MTF2: variants seen among roughly 807,000 people sequenced by gnomAD.
MTF2 encodes metal response element binding transcription factor 2.
Under a neutral mutation model 79.5 loss-of-function variants are expected in MTF2, and 11 were observed. The ratio of observed to expected loss-of-function variants is 0.14; its 90% CI spans 0.09 to 0.23. The LOEUF is 0.23. MTF2 is among the 10% of genes least tolerant of loss of function. The probability of loss-of-function intolerance (pLI) is 1.00; values close to 1 mark genes in which losing one functional copy is unlikely to be tolerated. For synonymous variants in MTF2, 208 were observed against 232.8 expected, an observed-to-expected ratio of 0.89 and a Z score of 0.97; for missense variants, 486 against 711.2, an observed-to-expected ratio of 0.68 and a Z score of 3.60.
intron 11 of MTF2, 23 bp downstream of exon 11, chr1:93,129,471 GT>G: frequency 7.0e-7 from 1 of 1,433,398 alleles, no homozygotes. Flanking sequence ...CTGTGGCTTA[GT>G]TTTTCTCTTT....
intron 9 of MTF2, among the ~76,000 whole-genome samples, chr1:93,123,207 T>C (rs1477807539): frequency 6.8e-6 from 1 of 147,498 alleles, no homozygotes; most frequent in African/African-American, 2.5e-5. Context: ...ACATCAGCTC[T>C]TTCTTTTTTT....
rs965031935 is a variant in MTF2 at position 93,100,894 on chromosome 1, A to G, written c.6-9336A>G. Among the ~76,000 whole-genome samples, 3 of 152,166 alleles carry G rather than the reference A, an allele frequency of 2.0e-5. No homozygotes were observed. The East Asian group carries it at 5.8e-4, about 29-fold the overall frequency. ...GGCCCTGTTTGGCCTCATGAATTTGACTATATCTGTATGAAAGTTTTCACC... is the reference window on the plus strand; with the variant it reads ...GGCCCTGTTTGGCCTCATGAATTTGGCTATATCTGTATGAAAGTTTTCACC... On this transcript the variant is annotated intron_variant, in intron 1 of 14. Transcript: ENST00000370298.
chr1:93,129,227 T>C (rs1279201102), intron 10 of MTF2, 51 bp from the exon 11 acceptor site: 1 of 1,339,060 alleles, frequency 7.5e-7, no homozygotes, highest in South Asian at 1.5e-5. Flanking sequence ...GGGTCTACTA[T>C]GTATATGTGT....
chr1:93,120,787 AT>A, intron 9 of MTF2, 115 bp downstream of exon 9: 1 of 1,488,744 alleles, frequency 6.7e-7, no homozygotes, highest in Admixed American at 2.7e-5. Context: ...ATAGAATTTT[AT>A]TTTTAGTTCT....
At chr1:93,136,245 T>C (rs1384425338) in intron 14 of MTF2, among the ~76,000 whole-genome samples, 1 of 152,218 alleles carries the variant, frequency 6.6e-6, no homozygotes, top group Non-Finnish European at 1.5e-5. Flanking sequence ...TCTATTCTAG[T>C]TCCACTCTTT....
At chr1:93,110,773 G>A (rs972569535) in intron 3 of MTF2, 147 bp downstream of exon 3, 14 of 670,054 alleles carry the variant, frequency 2.1e-5, no homozygotes, top group Non-Finnish European at 3.4e-5. Context: ...CAGCATAGTC[G>A]TTATTATAGA....
At chr1:93,112,958 C>T (rs995512330) in intron 3 of MTF2, among the ~76,000 whole-genome samples, 7 of 152,186 alleles carry the variant, frequency 4.6e-5, no homozygotes, top group Non-Finnish European at 1.0e-4. Context: ...CCTCCCCTCG[C>T]GGGGCTGTTG....
At position 93,137,047 on chromosome 1, in the gene MTF2, G is replaced by A. The variant is rs1325491952; in HGVS notation, c.*20G>A. 6.3e-7 allele frequency: 1 copy of A among 1,590,258 alleles called. No individual in the cohort carries two copies. Among genetic ancestry groups the A allele is most frequent in the Admixed American group, 1.7e-5 (1 of 59,592 alleles). ...TCCTGACTGTAGGACTGAACATTAT[G>A]TTCACTGCACTCTGATTTTCTGTAG... On this transcript the variant is annotated 3_prime_UTR_variant, in exon 15 of 15. Coordinates refer to ENST00000370298, the MANE Select transcript of MTF2 (RefSeq NM_007358.4).
intron 1 of MTF2, among the ~76,000 whole-genome samples, chr1:93,098,065 G>A (rs1655370572): frequency 6.6e-6 from 1 of 152,074 alleles, no homozygotes; most frequent in Non-Finnish European, 1.5e-5. Context: ...CTTATAGCTT[G>A]GTCTTTTTTT....
chr1:93,098,035 A>G (rs1655369180), intron 1 of MTF2, among the ~76,000 whole-genome samples: 1 of 152,200 alleles, frequency 6.6e-6, no homozygotes, highest in Non-Finnish European at 1.5e-5. Flanking sequence ...TAAATAAGAC[A>G]AAGAGGCAAT....
chr1:93,092,458 A>C (rs1204539699), intron 1 of MTF2, among the ~76,000 whole-genome samples: 1 of 152,178 alleles, frequency 6.6e-6, no homozygotes, highest in Non-Finnish European at 1.5e-5. Flanking sequence ...AGGCTTTTTT[A>C]CCAAAACAAT....
chr1:93,128,537 CAGAGCG>C (rs1656791808), intron 10 of MTF2, among the ~76,000 whole-genome samples: 3 of 129,646 alleles, frequency 2.3e-5, no homozygotes, highest in African/African-American at 9.0e-5. Context: ...GCCTGGGTGA[CAGAGCG>C]AGACTCTGTC....
chr1:93,124,570 C>G (rs1280399957), intron 9 of MTF2, among the ~76,000 whole-genome samples: 1 of 151,850 alleles, frequency 6.6e-6, no homozygotes, highest in Non-Finnish European at 1.5e-5. Context: ...TCAAGAAATA[C>G]TGTGGTAGAA....
intron 3 of MTF2, among the ~76,000 whole-genome samples, chr1:93,112,119 G>A (rs1300321823): frequency 6.6e-6 from 1 of 152,168 alleles, no homozygotes; most frequent in Non-Finnish European, 1.5e-5. Context: ...ATGTTCTGTG[G>A]TTGTTCTTTC....
rs1424564680 is a variant in MTF2, at chr1:93,114,718, C to T, written c.317C>T (p.Thr106Ile). Residue 106 changes from threonine (T) to isoleucine (I), a missense_variant, in exon 4 of 15, where the codon ACA (threonine) becomes ATA (isoleucine). Physicochemically the swap from Thr to Ile is moderately conservative, Grantham distance 89 (BLOSUM62 -1). Transcript: ENST00000370298. ...ACTGGAAGTGGGGAAATGGTCTGTA[C>T]AATATGTCAAGAAGAGTATTCAGAA... ...GATGSGEMVCTICQEEYSEAP... is the reference protein window; with the variant it reads ...GATGSGEMVCIICQEEYSEAP... 8 of 1,612,042 alleles carry T rather than the reference C, an allele frequency of 5.0e-6. No individual in the cohort carries two copies. The highest frequency in any genetic ancestry group is 6.8e-6 in the Non-Finnish European group (8 of 1,179,172).
At chr1:93,125,092 AAGT>A (rs1571248435) in intron 9 of MTF2, among the ~76,000 whole-genome samples, 1 of 151,976 alleles carries the variant, frequency 6.6e-6, no homozygotes, top group African/African-American at 2.4e-5. Context: ...TACCAAAAGA[AAGT>A]AGAGTTCATT....
intron 1 of MTF2, among the ~76,000 whole-genome samples, chr1:93,082,471 G>A (rs932649603): frequency 2.0e-5 from 3 of 151,854 alleles, no homozygotes; most frequent in South Asian, 2.1e-4. Context: ...AATTTTTTTT[G>A]TGGAGACGGG....
At position 93,115,639 on chromosome 1, in the gene MTF2, A is replaced by G. The variant is rs554661748; in HGVS notation, c.632+21A>G. 2.7e-6 allele frequency: 4 copies of G among 1,493,196 alleles called. No individual in the cohort carries two copies. The South Asian group carries it at 4.2e-5, about 16-fold the overall frequency. The allele number at this position is 1,493,196 out of a possible 1,614,324, so 92.5% of individuals were successfully genotyped here. A position where few individuals can be genotyped will look rare whatever the true frequency, so the allele number is the denominator to read the frequency against. On this transcript the variant is annotated intron_variant, in intron 6 of 14. Coordinates refer to ENST00000370298, the MANE Select transcript of MTF2 (RefSeq NM_007358.4). Reference sequence around the variant, plus strand: ...GGAGAGTAAGTAAATACAGTTATGTAATTCCCTTTAAGTAATTTTTATTTA... The same window carrying G: ...GGAGAGTAAGTAAATACAGTTATGTGATTCCCTTTAAGTAATTTTTATTTA...
At chr1:93,133,850 C>T (rs1260650262) in intron 12 of MTF2, 42 bp downstream of exon 12, 2 of 1,533,250 alleles carry the variant, frequency 1.3e-6, no homozygotes, top group Non-Finnish European at 9.0e-7. Flanking sequence ...AAGAAGGATG[C>T]ATGAAATAAC....
Sources: gnomAD v4.1 joint callset for allele counts (sites outside exome capture counted in the v4.1 genomes callset) on GRCh38, gnomAD v4.1.1 for gene constraint, MANE v1.5 for transcripts, NCBI Gene and HGNC (gene_info 2026-07-23, HGNC 2026-07-21) for gene names.